XIRP2: variants seen among roughly 807,000 people sequenced by gnomAD.
XIRP2 encodes the protein xin actin binding repeat containing 2.
A neutral mutation model predicts 277.0 loss-of-function variants in XIRP2; 236 were observed. That is an observed-to-expected ratio of 0.85 (90% CI 0.77 to 0.95). The LOEUF (loss-of-function observed/expected upper bound fraction) is 0.95, where lower values mean the gene tolerates loss of function less well. Ranked by LOEUF, XIRP2 falls within the 40% of genes least tolerant of loss-of-function variation. XIRP2 has a pLI of 0.00. For missense variants in XIRP2, 4,640 were observed against 4,157.5 expected (o/e 1.12, Z -3.19); for synonymous variants, 1,490 against 1,416.5 (o/e 1.05, Z -1.17).
chr2:167,234,878 T>C (rs746698232), intron 5 of XIRP2, among the ~76,000 whole-genome samples: 19 of 151,848 alleles, frequency 1.3e-4, no homozygotes, highest in Admixed American at 9.9e-4. Flanking sequence ...GTCATAGTAA[T>C]TCTGCCCAAT....
intron 2 of XIRP2, among the ~76,000 whole-genome samples, chr2:167,087,213 C>T (rs1318058527): frequency 1.3e-5 from 2 of 152,202 alleles, no homozygotes; most frequent in African/African-American, 4.8e-5. Context: ...TGTGAGGTGT[C>T]AGTGTACCCC....
intron 2 of XIRP2, among the ~76,000 whole-genome samples, chr2:167,055,444 G>C (rs1008228847): frequency 6.6e-6 from 1 of 152,132 alleles, no homozygotes; most frequent in African/African-American, 2.4e-5. Context: ...TTTTCATCAA[G>C]GATATTATAT....
chr2:167,217,842 C>A lies in XIRP2; in HGVS notation c.724-324C>A, dbSNP rs558445824. ...ATTGAGTCCATTATTCTTATACCCA[C>A]TAGTCTGTATATTACAGGAGAAATA... On this transcript the variant is annotated intron_variant, in intron 4 of 10. Coordinates refer to ENST00000409195, the MANE Select transcript of XIRP2 (RefSeq NM_152381.6). Among the ~76,000 whole-genome samples the A allele has an allele frequency of 3.0e-4, 46 of 152,200 alleles. 1 individual carries two copies. The South Asian group carries it at 8.9e-3, about 30-fold the overall frequency.
intron 2 of XIRP2, among the ~76,000 whole-genome samples, chr2:166,935,740 A>C (rs1040635645): frequency 6.6e-6 from 1 of 152,108 alleles, no homozygotes; most frequent in African/African-American, 2.4e-5. Context: ...AAGGACATGA[A>C]CTCATCCTTT....
At chr2:166,997,538 G>A (rs1335041230) in intron 2 of XIRP2, among the ~76,000 whole-genome samples, 2 of 152,078 alleles carry the variant, frequency 1.3e-5, no homozygotes, top group African/African-American at 2.4e-5. Flanking sequence ...ACACAAAAAT[G>A]ACCTTATTTA....
intron 2 of XIRP2, among the ~76,000 whole-genome samples, chr2:166,950,466 G>T (rs145751038): frequency 1.3e-5 from 2 of 151,920 alleles, no homozygotes; most frequent in Admixed American, 6.6e-5. Context: ...AAAAAAAATT[G>T]ATAGAAAATA....
chr2:167,258,608 G>A lies in XIRP2; in HGVS notation c.*791G>A. 2 of 1,612,930 alleles carry A rather than the reference G, an allele frequency of 1.2e-6. No individual in the cohort carries two copies. The highest frequency in any genetic ancestry group is 1.7e-6 in the Non-Finnish European group (2 of 1,179,506). The stretch of plus-strand genomic sequence containing the variant: ...AACTAATGGTGCAGAAGTTTTACAG[G>A]TTACTAACACTGATGATGAGATGAT... On this transcript the variant is annotated 3_prime_UTR_variant, in exon 11 of 11. Coordinates refer to ENST00000409195, the MANE Select transcript of XIRP2 (RefSeq NM_152381.6).
In XIRP2 at chr2:167,258,669, A is replaced by G; in HGVS notation, c.*852A>G. ...CATAAAGAAAATTTGAATAAGAATA[A>G]TAATAACAATTATGTAGCAGTCTCA... On this transcript the variant is annotated 3_prime_UTR_variant, in exon 11 of 11. Transcript: ENST00000409195. The G allele has an allele frequency of 6.2e-7, 1 of 1,611,720 alleles. No individual in the cohort carries two copies. The highest frequency in any genetic ancestry group is 8.5e-7 in the Non-Finnish European group (1 of 1,178,992).
chr2:166,954,474 T>A (rs979211556), intron 2 of XIRP2, among the ~76,000 whole-genome samples: 2 of 151,940 alleles, frequency 1.3e-5, no homozygotes, highest in African/African-American at 4.8e-5. Context: ...TTGGTGGGAA[T>A]GTAAATTCGT....
In XIRP2 at chr2:167,060,829, T is replaced by C. The variant is rs76166601; in HGVS notation, c.409-75080T>C. On this transcript the variant is annotated intron_variant, in intron 2 of 10. Transcript: ENST00000409195. ...CATTCTTTTTCAAAATTGATTCTGC[T>C]TTTTCAATTTTGCCTTGGTTTCTAC... is the stretch of plus-strand genomic sequence containing the variant. Among the ~76,000 whole-genome samples, 539 of 152,294 alleles carry C rather than the reference T, an allele frequency of 3.5e-3. 31 individuals carry two copies. In the East Asian group the frequency reaches 0.093, roughly 26 times the overall value.
At chr2:167,017,598 T>G (rs1033488264) in intron 2 of XIRP2, among the ~76,000 whole-genome samples, 2 of 151,972 alleles carry the variant, frequency 1.3e-5, no homozygotes, top group East Asian at 3.9e-4. Context: ...GAGTTATGAG[T>G]AGGAAAGGCA....
At chr2:167,078,754 A>C (rs373235689) in intron 2 of XIRP2, among the ~76,000 whole-genome samples, 1 of 151,152 alleles carries the variant, frequency 6.6e-6, no homozygotes, top group Non-Finnish European at 1.5e-5. Flanking sequence ...GGAGAATGGC[A>C]TGAACCCTGG....
intron 3 of XIRP2, among the ~76,000 whole-genome samples, chr2:167,206,863 A>G (rs1347376929): frequency 6.6e-6 from 1 of 152,256 alleles, no homozygotes; most frequent in Non-Finnish European, 1.5e-5. Flanking sequence ...ATTTACATTT[A>G]GAAAATGTGA....
intron 2 of XIRP2, among the ~76,000 whole-genome samples, chr2:167,035,649 G>C (rs1437415429): frequency 6.6e-6 from 1 of 152,204 alleles, no homozygotes; most frequent in Non-Finnish European, 1.5e-5. Context: ...CTGACAATGT[G>C]ATAGAAAAGA....
At chr2:167,085,403 A>G (rs1349636824) in intron 2 of XIRP2, among the ~76,000 whole-genome samples, 1 of 149,846 alleles carries the variant, frequency 6.7e-6, no homozygotes, top group African/African-American at 2.4e-5. Context: ...GTGGTGCTGA[A>G]AAAAATGTAT....
intron 2 of XIRP2, among the ~76,000 whole-genome samples, chr2:166,912,897 C>A (rs1271910942): frequency 6.6e-6 from 1 of 152,142 alleles, no homozygotes; most frequent in Non-Finnish European, 1.5e-5. Context: ...TGGGTATCAG[C>A]AGCAGAGGCT....
chr2:167,008,602 T>C (rs899167337), intron 2 of XIRP2, among the ~76,000 whole-genome samples: 1 of 151,574 alleles, frequency 6.6e-6, no homozygotes, highest in African/African-American at 2.4e-5. Context: ...TTTTGTTTTT[T>C]AAAAAAATAT....
At chr2:167,064,575 G>A (rs946727714) in intron 2 of XIRP2, among the ~76,000 whole-genome samples, 4 of 151,928 alleles carry the variant, frequency 2.6e-5, no homozygotes, top group African/African-American at 9.6e-5. Flanking sequence ...GTAGAGTTAA[G>A]GGTATTCACA....
intron 2 of XIRP2, among the ~76,000 whole-genome samples, chr2:166,953,898 G>GA (rs1364741672): frequency 2.0e-5 from 3 of 151,630 alleles, no homozygotes; most frequent in Admixed American, 6.6e-5. Flanking sequence ...ATTTTTAAAA[G>GA]AAAAAACATG....
Sources: gnomAD v4.1 joint callset for allele counts (sites outside exome capture counted in the v4.1 genomes callset) on GRCh38, gnomAD v4.1.1 for gene constraint, MANE v1.5 for transcripts, NCBI Gene and HGNC (gene_info 2026-07-23, HGNC 2026-07-21) for gene names.